The following ANKRD50 variants were observed in gnomAD, a reference collection of about 807,000 sequenced individuals.
ANKRD50 encodes ankyrin repeat domain 50, also known as ankyrin repeat domain-containing protein 50.
A neutral mutation model predicts 112.0 loss-of-function variants in ANKRD50; 40 were observed. The ratio of observed to expected loss-of-function variants is 0.36; its 90% confidence interval spans 0.28 to 0.46. The LOEUF is 0.46. Ranked by LOEUF, ANKRD50 falls within the 20% of genes least tolerant of loss-of-function variation. ANKRD50 has a pLI of 1.00. For synonymous variants in ANKRD50, 613 were observed against 619.1 expected, an observed-to-expected ratio of 0.99 and a Z score of 0.15; for missense variants, 1,487 against 1,701.7, an observed-to-expected ratio of 0.87 and a Z score of 2.22.
intron 2 of ANKRD50, among the ~76,000 whole-genome samples, chr4:124,692,703 A>G (rs1015282249): frequency 1.3e-5 from 2 of 152,166 alleles, no homozygotes; most frequent in African/African-American, 4.8e-5. Flanking sequence ...TACAGCAAGA[A>G]GGTGCCATCT....
rs1175432772 is a variant in ANKRD50, at chr4:124,672,391, G to A, written c.886C>T (p.His296Tyr). The A allele has an allele frequency of 1.2e-6, 2 of 1,613,230 alleles. No homozygotes were observed. Among genetic ancestry groups the A allele is most frequent in the East Asian group, 4.5e-5 (2 of 44,842 alleles). Residue 296 changes from histidine (H) to tyrosine (Y), a missense_variant, in exon 4 of 5, where the codon CAC (histidine) becomes TAC (tyrosine). Transcript: ENST00000504087. ...AGAAAGCATCCACTGCTTTTAATGTGCAGTTGATTTAACATCTCTGCAGTT... is the reference window on the plus strand; with the variant it reads ...AGAAAGCATCCACTGCTTTTAATGTACAGTTGATTTAACATCTCTGCAGTT... Reference protein sequence around the residue: ...KETAEMLNQLHIKSSGCFLYL... With the variant: ...KETAEMLNQLYIKSSGCFLYL...
chr4:124,695,858 C>A (rs1336549708), intron 2 of ANKRD50, among the ~76,000 whole-genome samples: 1 of 152,142 alleles, frequency 6.6e-6, no homozygotes, highest in Non-Finnish European at 1.5e-5. Flanking sequence ...CCACTTAATG[C>A]CTGACTGCAT....
At chr4:124,685,145 G>A (rs1444146539) in intron 2 of ANKRD50, among the ~76,000 whole-genome samples, 3 of 152,136 alleles carry the variant, frequency 2.0e-5, no homozygotes, top group Non-Finnish European at 4.4e-5. Flanking sequence ...ACAAGGCTGA[G>A]AGTGAAGCTC....
At chr4:124,712,361 G>GA (rs1725656763) in intron 1 of ANKRD50, 97 bp downstream of exon 1, 1 of 153,256 alleles carries the variant, frequency 6.5e-6, no homozygotes. Flanking sequence ...CGGAGAGGGT[G>GA]GGTGGTTGGG....
chr4:124,665,766 T>C lies in ANKRD50; in HGVS notation c.*1752A>G, dbSNP rs1415033494. On this transcript the variant is annotated 3_prime_UTR_variant, in exon 5 of 5. Transcript: ENST00000504087. The stretch of plus-strand genomic sequence containing the variant: ...GTCACCTTAATATCAATTGAACTTA[T>C]CAACTTATCTCGTAGTCCTCACTAT... 6.6e-6 allele frequency: 1 copy of C among 152,428 alleles called. No homozygotes were observed. Among genetic ancestry groups the C allele is most frequent in the Non-Finnish European group, 1.5e-5 (1 of 67,904 alleles). The allele number at this position is 152,428 out of a possible 1,614,324, so 9.4% of individuals were successfully genotyped here. A position where few individuals can be genotyped will look rare whatever the true frequency, so the allele number is the denominator to read the frequency against.
intron 2 of ANKRD50, among the ~76,000 whole-genome samples, chr4:124,700,961 T>C (rs974453870): frequency 1.3e-5 from 2 of 152,184 alleles, no homozygotes; most frequent in Non-Finnish European, 2.9e-5. Context: ...GATAGAGAAA[T>C]ACACTTTTTT....
intron 2 of ANKRD50, among the ~76,000 whole-genome samples, chr4:124,691,799 G>C (rs1725145082): frequency 6.6e-6 from 1 of 152,124 alleles, no homozygotes; most frequent in Admixed American, 6.5e-5. Context: ...CCTAAAATTA[G>C]AGCAGAAGAG....
At position 124,710,370 on chromosome 4, in the gene ANKRD50, C is replaced by T. The variant is rs1318714737; in HGVS notation, c.142G>A (p.Val48Ile). The change falls in exon 2 of 5, where the codon GTC becomes ATC. Residue 48 changes from valine (V) to isoleucine (I), a missense_variant. Val to Ile is a conservative substitution (Grantham distance 29). Around this residue, in one of 2 missense-constraint regions of ANKRD50, gnomAD observed 1,046 missense variants for 1,269.5 expected, o/e 0.82. Coordinates refer to ENST00000504087, the MANE Select transcript of ANKRD50 (RefSeq NM_020337.3). ...QEKSNCCNSA[V>I]NAPSLVMNSG... ...TTCATTACAAGTGATGGTGCATTGACAGCACTATTGCAGCAGTTACTTTTC... is the reference window on the plus strand; with the variant it reads ...TTCATTACAAGTGATGGTGCATTGATAGCACTATTGCAGCAGTTACTTTTC... 1 of 1,614,200 alleles carries T rather than the reference C, an allele frequency of 6.2e-7. No individual in the cohort carries two copies. The highest frequency in any genetic ancestry group is 1.1e-5 in the South Asian group (1 of 91,082).
rs181911326 is a variant in ANKRD50, at chr4:124,683,751, C to T, written c.513-4846G>A. Among the ~76,000 whole-genome samples, 433 of 138,422 alleles carry T rather than the reference C, an allele frequency of 3.1e-3. 1 individual carries two copies. The highest frequency in any genetic ancestry group is 0.011 in the African/African-American group (402 of 37,226). 90.8% of individuals were successfully genotyped at this position (138,422 alleles called of 152,430 possible). A position where few individuals can be genotyped will look rare whatever the true frequency, so the allele number is the denominator to read the frequency against. On this transcript the variant is annotated intron_variant, in intron 2 of 4. Coordinates refer to ENST00000504087, the MANE Select transcript of ANKRD50 (RefSeq NM_020337.3). ...CAGGCTGGGTGACAGAGTGAGACTC[C>T]GTCTCAAAAAAAAAAAAAAAAAATT...
Position 124,670,473 on chromosome 4 carries a change from T to C in ANKRD50, c.2804A>G (p.His935Arg), listed in dbSNP as rs1177621645. The C allele has an allele frequency of 2.5e-6, 4 of 1,613,730 alleles. No homozygotes were observed. The highest frequency in any genetic ancestry group is 2.2e-5 in the South Asian group (2 of 91,078). Residue 935 changes from histidine (H) to arginine (R), a missense_variant, in exon 4 of 5, where the codon CAT (histidine) becomes CGT (arginine). His to Arg is a conservative substitution (Grantham distance 29). Coordinates refer to ENST00000504087, the MANE Select transcript of ANKRD50 (RefSeq NM_020337.3). ...HRDIVELLFS[H>R]GADVNCKDAD... The stretch of plus-strand genomic sequence containing the variant: ...ATCTTTGCAGTTAACATCAGCACCA[T>C]GGCTAAAAAGCAATTCAACAATGTC...
At chr4:124,706,890 A>C (rs189959814) in intron 2 of ANKRD50, among the ~76,000 whole-genome samples, 25 of 152,198 alleles carry the variant, frequency 1.6e-4, no homozygotes, top group Admixed American at 5.9e-4. Context: ...TGAATATATC[A>C]TGTAATTTAT....
At chr4:124,694,125 C>A (rs1725199003) in intron 2 of ANKRD50, among the ~76,000 whole-genome samples, 1 of 152,044 alleles carries the variant, frequency 6.6e-6, no homozygotes, top group Non-Finnish European at 1.5e-5. Flanking sequence ...ACAACAACAA[C>A]CAAAAAACAG....
chr4:124,706,547 G>A (rs912219480), intron 2 of ANKRD50, among the ~76,000 whole-genome samples: 1 of 152,022 alleles, frequency 6.6e-6, no homozygotes, highest in Non-Finnish European at 1.5e-5. Flanking sequence ...GAAAAGATAA[G>A]TGGATTTAAA....
At chr4:124,697,064 T>C (rs184547217) in intron 2 of ANKRD50, among the ~76,000 whole-genome samples, 60 of 152,266 alleles carry the variant, frequency 3.9e-4, no homozygotes, top group African/African-American at 1.3e-3. Flanking sequence ...TTGCTATTTA[T>C]TAAAAAAGAG....
Position 124,711,280 on chromosome 4 carries a change from A to G in ANKRD50, c.-763-6T>C, listed in dbSNP as rs1422290056. The G allele has an allele frequency of 6.6e-6, 1 of 152,472 alleles. No homozygotes were observed. The highest frequency in any genetic ancestry group is 2.4e-5 in the African/African-American group (1 of 41,474). The allele number at this position is 152,472 out of a possible 1,614,324, so 9.4% of individuals were successfully genotyped here. On this transcript the variant is annotated splice_region_variant and splice_polypyrimidine_tract_variant and intron_variant, in intron 1 of 4. Transcript: ENST00000504087. ...TCAACAATTTCCACAAGTAACTAAA[A>G]TAAAACAAACAAAAATACCTCAGTG... is the stretch of plus-strand genomic sequence containing the variant.
In ANKRD50 at chr4:124,670,782, G is replaced by C. The variant is rs576637605; in HGVS notation, c.2495C>G (p.Thr832Ser). Residue 832 changes from threonine (T) to serine (S), a missense_variant, in exon 4 of 5, where the codon ACT becomes AGT. By Grantham distance (58) the Thr-to-Ser change is moderately conservative (BLOSUM62 1). Around this residue, in one of 2 missense-constraint regions of ANKRD50, gnomAD observed 1,046 missense variants for 1,269.5 expected, o/e 0.82. Transcript: ENST00000504087. ...TTCATCTAACCCTCTATCCAGTAGA[G>C]TACGTACCACCTCAACATTTCCTTG... ...SAQGNVEVVRTLLDRGLDENH... is the reference protein window; with the variant it reads ...SAQGNVEVVRSLLDRGLDENH... 4 of 1,613,770 alleles carry C rather than the reference G, an allele frequency of 2.5e-6. No homozygotes were observed. The highest frequency in any genetic ancestry group is 2.5e-6 in the Non-Finnish European group (3 of 1,179,892).
intron 2 of ANKRD50, among the ~76,000 whole-genome samples, chr4:124,682,382 T>A (rs1266799619): frequency 1.3e-5 from 2 of 149,530 alleles, no homozygotes; most frequent in African/African-American, 4.9e-5. Context: ...CTGGGCAGAC[T>A]GTTCTGTAAT....
Position 124,710,538 on chromosome 4 carries a change from G to C in ANKRD50, c.-27C>G, listed in dbSNP as rs760751917. 3 of 1,586,280 alleles carry C rather than the reference G, an allele frequency of 1.9e-6. No individual in the cohort carries two copies. Among genetic ancestry groups the C allele is most frequent in the Non-Finnish European group, 2.6e-6 (3 of 1,170,236 alleles). On this transcript the variant is annotated 5_prime_UTR_variant, in exon 2 of 5. Transcript: ENST00000504087. ...ACGGGTTTTTTATCTTCATTTGCTA[G>C]AGTCTGGATACATCAACACAGGTCT...
chr4:124,683,695 G>T (rs1724942089), intron 2 of ANKRD50, among the ~76,000 whole-genome samples: 1 of 146,724 alleles, frequency 6.8e-6, no homozygotes, highest in Non-Finnish European at 1.5e-5. Context: ...CTCTTTAAGT[G>T]TTAAGAAATT....
Sources: gnomAD v4.1 joint callset for allele counts (sites outside exome capture counted in the v4.1 genomes callset) on GRCh38, gnomAD v4.1.1 for gene constraint, gnomAD v4.1.1 regional missense constraint, MANE v1.5 for transcripts, NCBI Gene and HGNC (gene_info 2026-07-23, HGNC 2026-07-21) for gene names.